ELL2: variants seen among roughly 807,000 people sequenced by gnomAD.
The protein encoded by ELL2 is RNA polymerase II elongation factor ELL2.
Under a neutral mutation model 72.8 loss-of-function variants are expected in ELL2, and 21 were observed. That is an observed-to-expected ratio of 0.29 (90% CI 0.20 to 0.42). ELL2 has a LOEUF of 0.42. ELL2 is among the 10% of genes least tolerant of loss of function. The pLI is 1.00. For synonymous variants in ELL2, 266 were observed against 283.2 expected, an observed-to-expected ratio of 0.94 and a Z score of 0.61; for missense variants, 568 against 772.8, an observed-to-expected ratio of 0.73 and a Z score of 3.14.
intron 1 of ELL2, among the ~76,000 whole-genome samples, chr5:95,946,193 C>A (rs142849961): frequency 6.6e-6 from 1 of 152,104 alleles, no homozygotes; most frequent in Non-Finnish European, 1.5e-5. Context: ...CTAGTGCAGT[C>A]CGGGCGGATG....
At chr5:95,927,241 A>C (rs1025792576) in intron 2 of ELL2, among the ~76,000 whole-genome samples, 1 of 151,438 alleles carries the variant, frequency 6.6e-6, no homozygotes, top group Non-Finnish European at 1.5e-5. Context: ...TGTATTTTGC[A>C]GGTACAGGCA....
intron 4 of ELL2, 157 bp downstream of exon 4, chr5:95,913,614 A>G (rs1749682592): frequency 1.3e-6 from 1 of 748,080 alleles, no homozygotes; most frequent in East Asian, 3.0e-5. Context: ...GGCAGTCTGA[A>G]GAGAACAAAT....
chr5:95,927,253 C>T (rs1366333428), intron 2 of ELL2, among the ~76,000 whole-genome samples: 2 of 150,540 alleles, frequency 1.3e-5, no homozygotes, highest in African/African-American at 4.9e-5. Context: ...GTACAGGCAG[C>T]AGGATTCCTA....
chr5:95,960,799 G>C (rs1228917936), intron 1 of ELL2, among the ~76,000 whole-genome samples: 1 of 152,046 alleles, frequency 6.6e-6, no homozygotes, highest in African/African-American at 2.4e-5. Flanking sequence ...GTTTGTGTCC[G>C]TCCTGGACGC....
intron 8 of ELL2, among the ~76,000 whole-genome samples, chr5:95,896,099 G>A (rs1357080142): frequency 6.6e-6 from 1 of 152,210 alleles, no homozygotes; most frequent in Admixed American, 6.5e-5. Flanking sequence ...AGGCGGATGA[G>A]ACAATAGAGT....
At chr5:95,952,040 T>G (rs1751429399) in intron 1 of ELL2, among the ~76,000 whole-genome samples, 1 of 152,098 alleles carries the variant, frequency 6.6e-6, no homozygotes, top group South Asian at 2.1e-4. Flanking sequence ...ACAGCGAAGA[T>G]ATGGAATCAA....
At chr5:95,914,453 C>T (rs1344392662) in intron 3 of ELL2, among the ~76,000 whole-genome samples, 1 of 152,064 alleles carries the variant, frequency 6.6e-6, no homozygotes, top group African/African-American at 2.4e-5. Context: ...CCAAAAAGTT[C>T]CTAAAAATTT....
intron 2 of ELL2, among the ~76,000 whole-genome samples, chr5:95,937,404 T>C (rs1474194202): frequency 3.9e-5 from 6 of 152,062 alleles, no homozygotes; most frequent in Non-Finnish European, 7.4e-5. Flanking sequence ...TGAGAAAATA[T>C]GCAGTTTCCA....
At chr5:95,902,714 A>G (rs1749188412) in intron 5 of ELL2, among the ~76,000 whole-genome samples, 1 of 152,228 alleles carries the variant, frequency 6.6e-6, no homozygotes. Context: ...ATAAGTTAAT[A>G]TAGTATACAC....
chr5:95,898,758 C>T lies in ELL2; in HGVS notation c.1007G>A (p.Arg336Gln), dbSNP rs1283382779. The T allele has an allele frequency of 9.0e-6, 14 of 1,547,054 alleles. No homozygotes were observed. Among genetic ancestry groups the T allele is most frequent in the East Asian group, 2.3e-5 (1 of 43,728 alleles). The part of the protein sequence containing the change: ...FIDPLMNKKA[R>Q]ISHLTNRVPP... ...TACTCTGTTCGTCAGGTGAGATATTCGGGCTTTTTTATTCATTAAAGGATC... is the reference window on the plus strand; with the variant it reads ...TACTCTGTTCGTCAGGTGAGATATTTGGGCTTTTTTATTCATTAAAGGATC... The change falls in exon 8 of 12, where the codon CGA (arginine) becomes CAA (glutamine). Residue 336 changes from arginine to glutamine, a missense_variant. Around this residue, in one of 2 missense-constraint regions of ELL2, gnomAD observed 511 missense variants for 728.4 expected, o/e 0.70. Coordinates refer to ENST00000237853, the MANE Select transcript of ELL2 (RefSeq NM_012081.6).
chr5:95,900,665 G>T (rs1749099542), intron 7 of ELL2, 28 bp downstream of exon 7: 3 of 1,497,512 alleles, frequency 2.0e-6, no homozygotes, highest in South Asian at 2.6e-5. Flanking sequence ...ATCTATGTCA[G>T]GTCTATAATT....
At chr5:95,936,348 T>TAA (rs1750772570) in intron 2 of ELL2, among the ~76,000 whole-genome samples, 1 of 152,218 alleles carries the variant, frequency 6.6e-6, no homozygotes, top group Non-Finnish European at 1.5e-5. Context: ...TCTCCAAACA[T>TAA]TGTTATGACA....
intron 2 of ELL2, among the ~76,000 whole-genome samples, chr5:95,928,588 C>A (rs1750479793): frequency 6.6e-6 from 1 of 152,194 alleles, no homozygotes; most frequent in African/African-American, 2.4e-5. Context: ...CACCCCTCAA[C>A]AAACACATAA....
chr5:95,900,766 G>C lies in ELL2; in HGVS notation c.881C>G (p.Ser294Cys), dbSNP rs780261086. The C allele has an allele frequency of 6.2e-7, 1 of 1,607,072 alleles. No individual in the cohort carries two copies. The highest frequency in any genetic ancestry group is 8.5e-7 in the Non-Finnish European group (1 of 1,177,582). The change falls in exon 7 of 12, where the codon TCT becomes TGT. Residue 294 changes from serine (S) to cysteine (C), a missense_variant. Ser to Cys is a moderately radical substitution (Grantham distance 112). This residue lies in a region of ELL2 where 511 missense variants were observed against 728.4 expected (regional missense o/e 0.70). Coordinates refer to ENST00000237853, the MANE Select transcript of ELL2 (RefSeq NM_012081.6). ...ESVLSRKLNP[S>C]QNAAGTSRSE... ...ACGGCTGGTGCCTGCAGCATTCTGA[G>C]ACGGATTTAGTTTTCTGTAAAGGAC...
At chr5:95,925,306 A>G (rs1271708405) in intron 2 of ELL2, among the ~76,000 whole-genome samples, 2 of 152,166 alleles carry the variant, frequency 1.3e-5, no homozygotes, top group Non-Finnish European at 2.9e-5. Context: ...AAGATCATCT[A>G]TAATTTCTTT....
At position 95,886,379 on chromosome 5, in the gene ELL2, C is replaced by G. The variant is rs765741086; in HGVS notation, c.*2492G>C. On this transcript the variant is annotated 3_prime_UTR_variant, in exon 12 of 12. Transcript: ENST00000237853. Reference sequence around the variant, plus strand: ...GCAAGGATCTGTCCAACACATACAACTAACATCTAAATTAAGGCTTTTACT... The same window carrying G: ...GCAAGGATCTGTCCAACACATACAAGTAACATCTAAATTAAGGCTTTTACT... 4 of 152,192 alleles carry G rather than the reference C, an allele frequency of 2.6e-5. No homozygotes were observed. Among genetic ancestry groups the G allele is most frequent in the Non-Finnish European group, 5.9e-5 (4 of 68,026 alleles). 9.4% of individuals were successfully genotyped at this position (152,192 alleles called of 1,614,324 possible).
At chr5:95,948,126 G>C (rs1255191680) in intron 1 of ELL2, among the ~76,000 whole-genome samples, 2 of 152,108 alleles carry the variant, frequency 1.3e-5, no homozygotes, top group African/African-American at 4.8e-5. Context: ...CTAGGCTGCA[G>C]CTCTTGAATG....
chr5:95,930,601 T>G (rs1174036271), intron 2 of ELL2, among the ~76,000 whole-genome samples: 1 of 152,234 alleles, frequency 6.6e-6, no homozygotes, highest in Non-Finnish European at 1.5e-5. Context: ...AGCCTTTTCT[T>G]GGGTAAAGTT....
chr5:95,907,296 A>ATATATATATATTTTTTTTTT lies in ELL2; in HGVS notation c.482-515_482-514insAAAAAAAAAATATATATATA. ...GTTAGTGATATATATATATATATAT[A>ATATATATATATTTTTTTTTT]TTTTTTTTTTTTACAGGCCAAGACA... On this transcript the variant is annotated intron_variant, in intron 4 of 11. Transcript: ENST00000237853. Among the ~76,000 whole-genome samples the ATATATATATATTTTTTTTTT allele has an allele frequency of 5.5e-3, 639 of 116,118 alleles. 7 individuals carry two copies. The highest frequency in any genetic ancestry group is 0.026 in the Admixed American group (293 of 11,386). 76.2% of individuals were successfully genotyped at this position (116,118 alleles called of 152,430 possible). A position where few individuals can be genotyped will look rare whatever the true frequency, so the allele number is the denominator to read the frequency against.
Sources: gnomAD v4.1 joint callset for allele counts (sites outside exome capture counted in the v4.1 genomes callset) on GRCh38, gnomAD v4.1.1 for gene constraint, gnomAD v4.1.1 regional missense constraint, MANE v1.5 for transcripts, NCBI Gene and HGNC (gene_info 2026-07-23, HGNC 2026-07-21) for gene names.